TEF: variants seen among roughly 807,000 people sequenced by gnomAD.
The protein encoded by TEF is TEF transcription factor, PAR bZIP family member, also known as thyrotroph embryonic factor.
A neutral mutation model predicts 20.8 loss-of-function variants in TEF; 3 were observed. That is an observed-to-expected ratio of 0.14 (90% CI 0.07 to 0.37). The LOEUF is 0.37. TEF is among the 10% of genes least tolerant of loss of function. The pLI is 1.00. For synonymous variants in TEF, 180 were observed against 171.1 expected, an observed-to-expected ratio of 1.05 and a Z score of -0.41; for missense variants, 296 against 397.9, an observed-to-expected ratio of 0.74 and a Z score of 2.18.
At chr22:41,378,070 T>C (rs911393877), upstream of TEF, among the ~76,000 whole-genome samples, 9 of 152,040 alleles carry the variant, frequency 5.9e-5, no homozygotes, top group African/African-American at 9.7e-5. Context: ...AGCAATAATG[T>C]CGTATTAGCC....
intron 1 of TEF, among the ~76,000 whole-genome samples, chr22:41,370,433 G>A (rs2036870711): frequency 8.4e-6 from 1 of 119,484 alleles, no homozygotes; most frequent in South Asian, 2.6e-4. Flanking sequence ...TTTTTTTTGA[G>A]CCAGTGTCTC....
At chr22:41,377,819 T>C (rs1470682960), upstream of TEF, among the ~76,000 whole-genome samples, 1 of 152,236 alleles carries the variant, frequency 6.6e-6, no homozygotes, top group African/African-American at 2.4e-5. Context: ...CACCAAGTTC[T>C]GGAGGCTTAA....
At chr22:41,393,799 T>C (rs2037195158) in intron 2 of TEF, among the ~76,000 whole-genome samples, 1 of 150,716 alleles carries the variant, frequency 6.6e-6, no homozygotes, top group Admixed American at 6.6e-5. Flanking sequence ...AAAAAATTAA[T>C]GTTTTGCTTA....
chr22:41,395,661 A>G (rs1307689663), intron 3 of TEF, 84 bp from the exon 4 acceptor site: 3 of 1,361,680 alleles, frequency 2.2e-6, no homozygotes, highest in Non-Finnish European at 1.0e-6. Context: ...CAGATGAGTT[A>G]GGGGAATCCA....
Position 41,382,891 on chromosome 22 carries a change from T to C in TEF, c.157+690T>C, listed in dbSNP as rs781694118. ...CCACTGAGGCCCTTCGCCTGGTTGG[T>C]TGGGGCTGACCCTTAGATTCTGGGG... On this transcript the variant is annotated intron_variant, in intron 1 of 3. Transcript: ENST00000266304. 4.1e-4 allele frequency: 195 copies of C among 470,792 alleles called. 2 individuals are homozygous for C. The highest frequency in any genetic ancestry group is 4.9e-4 in the Non-Finnish European group (112 of 226,996). 29.2% of individuals were successfully genotyped at this position (470,792 alleles called of 1,614,324 possible).
chr22:41,394,335 T>A lies in TEF; in HGVS notation c.696+19T>A. The A allele has an allele frequency of 6.2e-7, 1 of 1,608,062 alleles. No homozygotes were observed. Among genetic ancestry groups the A allele is most frequent in the East Asian group, 2.2e-5 (1 of 44,756 alleles). On this transcript the variant is annotated intron_variant, in intron 3 of 3. Transcript: ENST00000266304. ...GCAGAAGGTAACCTGGTATTCCTTA[T>A]AAATAAAGATGCAGCGTTGGTTCAA...
At chr22:41,375,039 TCC>T (rs2036923953) in intron 1 of TEF, among the ~76,000 whole-genome samples, 2 of 152,080 alleles carry the variant, frequency 1.3e-5, no homozygotes, top group South Asian at 4.1e-4. Flanking sequence ...CCCACCTCTG[TCC>T]CCTCCAGCAC....
In TEF at chr22:41,394,102, C is replaced by T. The variant is rs777214421; in HGVS notation, c.482C>T (p.Ser161Phe). 1 of 1,613,814 alleles carries T rather than the reference C, an allele frequency of 6.2e-7. No homozygotes were observed. The highest frequency in any genetic ancestry group is 1.3e-5 in the African/African-American group (1 of 74,880). The part of the protein sequence containing the change: ...PSETVSSTES[S>F]LEKERETPSP... ...CTGTCTCTGTGTCTTTTAGAATCTT[C>T]CCTGGAGAAGGAGAGGGAGACTCCC... The change falls in exon 3 of 4, where the codon TCC (serine) becomes TTC (phenylalanine). Residue 161 changes from serine (S) to phenylalanine (F), a missense_variant. Physicochemically the swap from Ser to Phe is radical, Grantham distance 155. Around this residue, in one of 2 missense-constraint regions of TEF, gnomAD observed 194 missense variants for 317.8 expected, o/e 0.61. Coordinates refer to ENST00000266304, the MANE Select transcript of TEF (RefSeq NM_003216.4).
chr22:41,396,049 A>C lies in TEF; in HGVS notation c.*89A>C. On this transcript the variant is annotated 3_prime_UTR_variant, in exon 4 of 4. Transcript: ENST00000266304. Reference sequence around the variant, plus strand: ...TAACCCCTCACACGCGTGGAGACTTATGACTCGTCGTGGGCGCATGGCGGC... The same window carrying C: ...TAACCCCTCACACGCGTGGAGACTTCTGACTCGTCGTGGGCGCATGGCGGC... 7.1e-7 allele frequency: 1 copy of C among 1,408,192 alleles called. No individual in the cohort carries two copies. The highest frequency in any genetic ancestry group is 9.7e-7 in the Non-Finnish European group (1 of 1,031,228). The allele number at this position is 1,408,192 out of a possible 1,614,324, so 87.2% of individuals were successfully genotyped here.
chr22:41,379,166 G>A (rs12169336), upstream of TEF, among the ~76,000 whole-genome samples: 5,091 of 151,902 alleles, frequency 0.034, 278 homozygotes, highest in African/African-American at 0.12. Flanking sequence ...GTAAAACCCC[G>A]TCTCTATAGA....
At chr22:41,388,589 AAAAAAG>A (rs2037127692) in intron 2 of TEF, among the ~76,000 whole-genome samples, 1 of 151,984 alleles carries the variant, frequency 6.6e-6, no homozygotes. Context: ...AAAAAAAAAA[AAAAAAG>A]AAAGCATTCC....
In TEF at chr22:41,396,438, CTT is replaced by C. The variant is rs1208855293; in HGVS notation, c.*480_*481del. 2.4e-5 allele frequency: 4 copies of C among 167,678 alleles called. No homozygotes were observed. In the East Asian group the frequency reaches 6.7e-4, roughly 28 times the overall value. The allele number at this position is 167,678 out of a possible 1,614,324, so 10.4% of individuals were successfully genotyped here. A position where few individuals can be genotyped will look rare whatever the true frequency, so the allele number is the denominator to read the frequency against. On this transcript the variant is annotated 3_prime_UTR_variant, in exon 4 of 4. Coordinates refer to ENST00000266304, the MANE Select transcript of TEF (RefSeq NM_003216.4). ...ACGCACCTCATTCTCCCCAGACAGT[CTT>C]TGAGTAACATCTGTTCCCATCTTCC...
chr22:41,372,893 A>G (rs1244742633), intron 1 of TEF, among the ~76,000 whole-genome samples: 2 of 152,098 alleles, frequency 1.3e-5, no homozygotes, highest in Non-Finnish European at 2.9e-5. Context: ...GAGCACCTGC[A>G]AAGGCCCTTC....
In TEF at chr22:41,387,335, G is replaced by A; in HGVS notation, c.158-16G>A. On this transcript the variant is annotated splice_polypyrimidine_tract_variant and intron_variant, in intron 1 of 3. Transcript: ENST00000266304. ...CTCTCCTGTGTGGTATTTCATCGCA[G>A]ATTTTGTTTCTGCAGATAAGGAAAA... 1 of 1,613,690 alleles carries A rather than the reference G, an allele frequency of 6.2e-7. No individual in the cohort carries two copies. Among genetic ancestry groups the A allele is most frequent in the Non-Finnish European group, 8.5e-7 (1 of 1,179,726 alleles).
chr22:41,383,401 A>C (rs2037059310), intron 1 of TEF, among the ~76,000 whole-genome samples: 1 of 152,206 alleles, frequency 6.6e-6, no homozygotes, highest in African/African-American at 2.4e-5. Flanking sequence ...AGGTGTACAC[A>C]TCTGACAGTT....
At chr22:41,391,831 C>T (rs927563278) in intron 2 of TEF, among the ~76,000 whole-genome samples, 2 of 152,148 alleles carry the variant, frequency 1.3e-5, no homozygotes, top group Non-Finnish European at 2.9e-5. Flanking sequence ...CCATGTTGGC[C>T]AGGATGGTCT....
At chr22:41,381,311 GCCCCGCCA>G (rs2037017179), upstream of TEF, among the ~76,000 whole-genome samples, 1 of 112,374 alleles carries the variant, frequency 8.9e-6, no homozygotes, top group Non-Finnish European at 1.9e-5. Context: ...TTCCCCTCCC[GCCCCGCCA>G]CAGCCCCGCA....
rs1364242257 is a variant in TEF, at chr22:41,397,210, C to T, written c.*1250C>T. On this transcript the variant is annotated 3_prime_UTR_variant, in exon 4 of 4. Coordinates refer to ENST00000266304, the MANE Select transcript of TEF (RefSeq NM_003216.4). ...GCCTAGGGTCCCCTCAGTCTTGGTC[C>T]CAGGAGATGGGGGCCACTCGTGAGG... 3 of 397,948 alleles carry T rather than the reference C, an allele frequency of 7.5e-6. No homozygotes were observed. Among genetic ancestry groups the T allele is most frequent in the South Asian group, 2.7e-4 (2 of 7,330 alleles). 24.7% of individuals were successfully genotyped at this position (397,948 alleles called of 1,614,324 possible). A position where few individuals can be genotyped will look rare whatever the true frequency, so the allele number is the denominator to read the frequency against.
At chr22:41,375,417 T>A (rs1287705666) in intron 1 of TEF, among the ~76,000 whole-genome samples, 1 of 152,142 alleles carries the variant, frequency 6.6e-6, no homozygotes, top group Admixed American at 6.5e-5. Context: ...CCAGGTTCAA[T>A]TGTGAATCAA....
Sources: gnomAD v4.1 joint callset for allele counts (sites outside exome capture counted in the v4.1 genomes callset) on GRCh38, gnomAD v4.1.1 for gene constraint, gnomAD v4.1.1 regional missense constraint, MANE v1.5 for transcripts, NCBI Gene and HGNC (gene_info 2026-07-23, HGNC 2026-07-21) for gene names.